Variants in LRFN5 observed in about 807,000 individuals in gnomAD.
The protein encoded by LRFN5 is leucine-rich repeat and fibronectin type-III domain-containing protein 5.
LRFN5 carries 24 observed loss-of-function variants against 45.6 expected under a neutral mutation model. The observed-to-expected ratio is 0.53, with a 90% CI of 0.38 to 0.74. The LOEUF (loss-of-function observed/expected upper bound fraction) is 0.74, where lower values mean the gene tolerates loss of function less well. Ranked by LOEUF, LRFN5 falls within the 30% of genes least tolerant of loss-of-function variation. The pLI is 0.00. For missense variants in LRFN5, 776 were observed against 861.5 expected, an observed-to-expected ratio of 0.90 and a Z score of 1.24; for synonymous variants, 340 against 313.8, an observed-to-expected ratio of 1.08 and a Z score of -0.88.
intron 1 of LRFN5, among the ~76,000 whole-genome samples, chr14:41,761,538 TG>T (rs1392851785): frequency 1.3e-5 from 2 of 152,164 alleles, no homozygotes; most frequent in African/African-American, 4.8e-5. Flanking sequence ...ACAATAATGT[TG>T]TATTTTGTTT....
In LRFN5 at chr14:41,898,786, A is replaced by T. The variant is rs539969640; in HGVS notation, c.2099-131A>T. 2.6e-3 allele frequency: 2,166 copies of T among 843,306 alleles called. 7 individuals carry two copies. Among genetic ancestry groups the T allele is most frequent in the African/African-American group, 0.017 (888 of 53,016 alleles). The allele number at this position is 843,306 out of a possible 1,614,324, so 52.2% of individuals were successfully genotyped here. A position where few individuals can be genotyped will look rare whatever the true frequency, so the allele number is the denominator to read the frequency against. Reference sequence around the variant, plus strand: ...TAACCCATGAACTGGTAAGTTTTTTAAAAAAAATCTTTAGATAAATCTTTG... The same window carrying T: ...TAACCCATGAACTGGTAAGTTTTTTTAAAAAAATCTTTAGATAAATCTTTG... On this transcript the variant is annotated intron_variant, in intron 4 of 5. Coordinates refer to ENST00000298119, the MANE Select transcript of LRFN5 (RefSeq NM_152447.5).
intron 1 of LRFN5, among the ~76,000 whole-genome samples, chr14:41,688,741 C>G (rs60856314): frequency 0.016 from 2,420 of 151,794 alleles, 45 homozygotes; most frequent in African/African-American, 0.054. Flanking sequence ...TAAAGCAGTG[C>G]ACAATGCTCA....
chr14:41,894,469 G>T (rs1890875782), intron 4 of LRFN5: 1 of 958,362 alleles, frequency 1.0e-6, no homozygotes, highest in Admixed American at 6.2e-5. Context: ...TTGAACACTT[G>T]TTCTTAAAAA....
At chr14:41,729,361 C>T (rs1209711226) in intron 1 of LRFN5, among the ~76,000 whole-genome samples, 1 of 152,114 alleles carries the variant, frequency 6.6e-6, no homozygotes, top group East Asian at 1.9e-4. Flanking sequence ...CACCTTCCAT[C>T]ATGACTATAA....
intron 2 of LRFN5, among the ~76,000 whole-genome samples, chr14:41,776,696 AG>A (rs1003685380): frequency 6.6e-6 from 1 of 152,104 alleles, no homozygotes; most frequent in African/African-American, 2.4e-5. Flanking sequence ...CAAAATAAAA[AG>A]CTTTCATTTA....
chr14:41,673,775 C>A (rs1265408280), intron 1 of LRFN5, among the ~76,000 whole-genome samples: 2 of 143,366 alleles, frequency 1.4e-5, no homozygotes, highest in South Asian at 2.3e-4. Flanking sequence ...ACCTCCCGGA[C>A]GGGGCGGCTG....
chr14:41,860,206 A>G (rs1889612794), intron 2 of LRFN5, among the ~76,000 whole-genome samples: 1 of 152,208 alleles, frequency 6.6e-6, no homozygotes, highest in South Asian at 2.1e-4. Flanking sequence ...TAAAGGCATA[A>G]TAAGGTACTC....
chr14:41,673,646 A>C (rs1264278826), intron 1 of LRFN5, among the ~76,000 whole-genome samples: 1 of 134,838 alleles, frequency 7.4e-6, no homozygotes. Flanking sequence ...TCCCTCCCGG[A>C]CGGGGCAGCT....
At chr14:41,699,281 CACTT>C (rs749419461) in intron 1 of LRFN5, 1 of 152,086 alleles carries the variant, frequency 6.6e-6, no homozygotes, top group Non-Finnish European at 1.5e-5. Context: ...TGTGGGTCCA[CACTT>C]ACCGCAGCAA....
intron 1 of LRFN5, among the ~76,000 whole-genome samples, chr14:41,650,885 A>AAGAAAG (rs1555351211): frequency 9.5e-6 from 1 of 104,814 alleles, no homozygotes; most frequent in Non-Finnish European, 1.9e-5. Context: ...GAGACAGAGA[A>AAGAAAG]AGAGAGAGAG....
At position 41,891,275 on chromosome 14, in the gene LRFN5, T is replaced by C. The variant is rs754326732; in HGVS notation, c.1411T>C (p.Phe471Leu). 17 of 1,613,768 alleles carry C rather than the reference T, an allele frequency of 1.1e-5. No homozygotes were observed. In the Admixed American group the frequency reaches 2.7e-4, roughly 25 times the overall value. Reference sequence around the variant, plus strand: ...AATGATACCTCCTACGAGCAAAACTTTTCTGGTCAATAATCTGGCTGCTGG... The same window carrying C: ...AATGATACCTCCTACGAGCAAAACTCTTCTGGTCAATAATCTGGCTGCTGG... ...YRMIPPTSKT[F>L]LVNNLAAGTM... The change falls in exon 4 of 6, where the codon TTT (phenylalanine) becomes CTT (leucine). Residue 471 changes from phenylalanine to leucine, a missense_variant. Physicochemically the swap from Phe to Leu is conservative, Grantham distance 22. This residue lies in a region of LRFN5 where 465 missense variants were observed against 456.4 expected (regional missense o/e 1.02). Coordinates refer to ENST00000298119, the MANE Select transcript of LRFN5 (RefSeq NM_152447.5).
At chr14:41,835,265 A>G (rs1367791381) in intron 2 of LRFN5, among the ~76,000 whole-genome samples, 2 of 152,210 alleles carry the variant, frequency 1.3e-5, no homozygotes, top group Admixed American at 6.5e-5. Context: ...TGGGATGGTC[A>G]TGATAAATAA....
At chr14:41,759,448 TACACACA>T (rs1161000818) in intron 1 of LRFN5, among the ~76,000 whole-genome samples, 22 of 109,644 alleles carry the variant, frequency 2.0e-4, no homozygotes, top group Middle Eastern at 4.3e-3. Context: ...TCTCTCTCTC[TACACACA>T]CACACACACA....
rs1177507353 is a variant in LRFN5, at chr14:41,781,578, AAG to A, written c.-21+14551_-21+14552del. 7.2e-4 allele frequency among the ~76,000 whole-genome samples: 82 copies of A among 114,474 alleles called. 1 individual carries two copies. Among genetic ancestry groups the A allele is most frequent in the African/African-American group, 2.0e-3 (46 of 23,092 alleles). The allele number at this position is 114,474 out of a possible 152,430, so 75.1% of individuals were successfully genotyped here. A position where few individuals can be genotyped will look rare whatever the true frequency, so the allele number is the denominator to read the frequency against. The stretch of plus-strand genomic sequence containing the variant: ...AGAAAGAGAAAGAAAGAAAGAAAGA[AAG>A]AAAGAAAGAAAGAAAGAAAGAAAGA... On this transcript the variant is annotated intron_variant, in intron 2 of 5. Transcript: ENST00000298119.
chr14:41,684,097 A>T (rs1882017993), intron 1 of LRFN5, among the ~76,000 whole-genome samples: 1 of 152,190 alleles, frequency 6.6e-6, no homozygotes, highest in Admixed American at 6.5e-5. Context: ...GACATAAAGC[A>T]ATGGAACAGA....
intron 1 of LRFN5, among the ~76,000 whole-genome samples, chr14:41,618,884 C>A (rs1888013678): frequency 6.6e-6 from 1 of 152,120 alleles, no homozygotes; most frequent in Non-Finnish European, 1.5e-5. Flanking sequence ...ATGTTTTTTT[C>A]TTACACCTTT....
chr14:41,758,712 T>G (rs1885520981), intron 1 of LRFN5, among the ~76,000 whole-genome samples: 3 of 152,232 alleles, frequency 2.0e-5, no homozygotes, highest in Non-Finnish European at 4.4e-5. Context: ...TCATTCTTCC[T>G]TTGTCTTTTA....
chr14:41,656,266 C>T (rs559854702), intron 1 of LRFN5, among the ~76,000 whole-genome samples: 9 of 152,088 alleles, frequency 5.9e-5, no homozygotes, highest in African/African-American at 2.2e-4. Flanking sequence ...ATGAAAGTCA[C>T]TGCAAAGTAT....
In LRFN5 at chr14:41,775,093, C is replaced by CTTTTTTTTTTTT. The variant is rs59438733; in HGVS notation, c.-21+8068_-21+8079dup. On this transcript the variant is annotated intron_variant, in intron 2 of 5. Transcript: ENST00000298119. ...AGATTTGATGCTACTTTTTCTTTTT[C>CTTTTTTTTTTTT]TTTTTTTTTTTTTTTGAGACGGAGT... is the stretch of plus-strand genomic sequence containing the variant. Among the ~76,000 whole-genome samples the CTTTTTTTTTTTT allele has an allele frequency of 9.8e-4, 110 of 112,462 alleles. 7 individuals carry two copies. The highest frequency in any genetic ancestry group is 1.6e-3 in the African/African-American group (47 of 28,510). The allele number at this position is 112,462 out of a possible 152,430, so 73.8% of individuals were successfully genotyped here. A position where few individuals can be genotyped will look rare whatever the true frequency, so the allele number is the denominator to read the frequency against.
Sources: allele counts gnomAD v4.1 joint callset (sites outside exome capture counted in the v4.1 genomes callset), GRCh38; gene constraint gnomAD v4.1.1; regional missense constraint gnomAD v4.1.1; transcripts MANE v1.5; gene names NCBI Gene and HGNC (gene_info 2026-07-23, HGNC 2026-07-21).